Variants in ZNF131 observed in about 807,000 individuals in gnomAD.
ZNF131 encodes the protein zinc finger and BTB domain containing 35.
In ZNF131, 7 loss-of-function variants were observed where a neutral mutation model predicts 60.0. That is an observed-to-expected ratio of 0.12 (90% confidence interval 0.07 to 0.22). The LOEUF (loss-of-function observed/expected upper bound fraction) is 0.22, where lower values mean the gene tolerates loss of function less well. Ranked by LOEUF, ZNF131 falls within the 10% of genes least tolerant of loss-of-function variation. The pLI is 1.00. For synonymous variants in ZNF131, 257 were observed against 253.2 expected, an observed-to-expected ratio of 1.01 and a Z score of -0.14; for missense variants, 493 against 740.9, an observed-to-expected ratio of 0.67 and a Z score of 3.88.
chr5:43,127,256 A>G (rs1237093383), intron 3 of ZNF131, among the ~76,000 whole-genome samples: 1 of 152,228 alleles, frequency 6.6e-6, no homozygotes, highest in Admixed American at 6.5e-5. Flanking sequence ...ACACCAGGGA[A>G]GCGATTACAA....
At chr5:43,125,180 G>A (rs1425152921) in intron 3 of ZNF131, 1 of 152,120 alleles carries the variant, frequency 6.6e-6, no homozygotes, top group African/African-American at 2.4e-5. Context: ...GCAAATAAAG[G>A]AGTGCAAAAA....
rs1751489631 is a variant in ZNF131 at position 43,175,571 on chromosome 5, C to T, written c.*438C>T. ...ATTGAATAATATAGGAAACACAAGG[C>T]TGCATGATGAAAAGTGCATTGTTAC... On this transcript the variant is annotated 3_prime_UTR_variant, in exon 7 of 7. Transcript: ENST00000682664. 3 of 643,118 alleles carry T rather than the reference C, an allele frequency of 4.7e-6. No homozygotes were observed. The highest frequency in any genetic ancestry group is 8.3e-6 in the Non-Finnish European group (3 of 362,708). The allele number at this position is 643,118 out of a possible 1,614,324, so 39.8% of individuals were successfully genotyped here.
chr5:43,173,295 G>A (rs372310605), intron 5 of ZNF131, 23 bp from the exon 6 acceptor site: 23 of 1,504,924 alleles, frequency 1.5e-5, no homozygotes, highest in African/African-American at 5.5e-5. Flanking sequence ...ATTTGCCAAC[G>A]TATCTTTTTT....
At chr5:43,170,635 C>CTTT (rs35855782) in intron 5 of ZNF131, among the ~76,000 whole-genome samples, 7,236 of 141,418 alleles carry the variant, frequency 0.051, 300 homozygotes, top group South Asian at 0.13. Context: ...TCTTTGTCCC[C>CTTT]TTTTTTTTTT....
chr5:43,131,241 C>T (rs562184731), intron 3 of ZNF131, among the ~76,000 whole-genome samples: 18 of 152,064 alleles, frequency 1.2e-4, no homozygotes, highest in African/African-American at 3.9e-4. Context: ...GGTGCAATCT[C>T]GGCTCACTGC....
chr5:43,127,214 A>G (rs1447714373), intron 3 of ZNF131, among the ~76,000 whole-genome samples: 1 of 152,174 alleles, frequency 6.6e-6, no homozygotes, highest in African/African-American at 2.4e-5. Context: ...ATAAATAATG[A>G]CTTAGCATGG....
chr5:43,160,405 TGGGA>T lies in ZNF131; in HGVS notation c.372-841_372-838del, dbSNP rs781523251. On this transcript the variant is annotated intron_variant, in intron 4 of 6. Coordinates refer to ENST00000682664, the MANE Select transcript of ZNF131 (RefSeq NM_001330707.2). The stretch of plus-strand genomic sequence containing the variant: ...GTCCCAGCTGCTTGAGAGGCTGAGG[TGGGA>T]GGATCACTTGAGCCCAAGAGGTTGA... Among the ~76,000 whole-genome samples the T allele has an allele frequency of 8.1e-5, 12 of 148,458 alleles. No individual in the cohort carries two copies. The South Asian group carries it at 2.6e-3, about 32-fold the overall frequency.
intron 3 of ZNF131, chr5:43,123,922 A>G (rs1187142041): frequency 1.3e-5 from 2 of 152,064 alleles, no homozygotes; most frequent in Non-Finnish European, 2.9e-5. Context: ...GCCAAGTGCC[A>G]GGCGTTGTGA....
At position 43,176,237 on chromosome 5, in the gene ZNF131, A is replaced by G. The variant is rs1175684713; in HGVS notation, c.*1104A>G. On this transcript the variant is annotated 3_prime_UTR_variant, in exon 7 of 7. Coordinates refer to ENST00000682664, the MANE Select transcript of ZNF131 (RefSeq NM_001330707.2). ...AGTATTACTTGGAAAATAAAATATAACAAACCCATAGACCAATATGCTATT... is the reference window on the plus strand; with the variant it reads ...AGTATTACTTGGAAAATAAAATATAGCAAACCCATAGACCAATATGCTATT... 2.0e-5 allele frequency: 3 copies of G among 152,194 alleles called. No individual in the cohort carries two copies. The highest frequency in any genetic ancestry group is 2.0e-4 in the Admixed American group (3 of 15,282). The allele number at this position is 152,194 out of a possible 1,614,324, so 9.4% of individuals were successfully genotyped here.
At position 43,162,608 on chromosome 5, in the gene ZNF131, AAAG is replaced by A. The variant is rs770881424; in HGVS notation, c.1054+680_1054+682del. Among the ~76,000 whole-genome samples, 59 of 147,080 alleles carry A rather than the reference AAAG, an allele frequency of 4.0e-4. No individual in the cohort carries two copies. The East Asian group carries it at 8.5e-3, about 21-fold the overall frequency. On this transcript the variant is annotated intron_variant, in intron 5 of 6. Coordinates refer to ENST00000682664, the MANE Select transcript of ZNF131 (RefSeq NM_001330707.2). The stretch of plus-strand genomic sequence containing the variant: ...CTCCATCTTAAAAAAAAAAAAAAGA[AAAG>A]AAAAAAAAGCGGCCAGGCGCGGTGG...
At chr5:43,128,790 C>T (rs1481697121) in intron 3 of ZNF131, among the ~76,000 whole-genome samples, 1 of 150,376 alleles carries the variant, frequency 6.6e-6, no homozygotes, top group Admixed American at 6.7e-5. Context: ...CTTGCTCTGT[C>T]ACCCAGGCTG....
Position 43,174,629 on chromosome 5 carries a change from A to G in ZNF131, c.1368A>G (p.Ser456=). 1 of 1,614,182 alleles carries G rather than the reference A, an allele frequency of 6.2e-7. No individual in the cohort carries two copies. Among genetic ancestry groups the G allele is most frequent in the Non-Finnish European group, 8.5e-7 (1 of 1,180,020 alleles). The change falls in exon 7 of 7, where the codon TCA becomes TCG. Residue 456 remains serine, a synonymous_variant. Coordinates refer to ENST00000682664, the MANE Select transcript of ZNF131 (RefSeq NM_001330707.2). ...GTCTAGTAACGGAAGAAGTTCTTTC[A>G]GTAGAAACACGTGTGCAAACTGAAC... ...SERLVTEEVL[S]VETRVQTEPV...
At chr5:43,170,602 C>G (rs1033265609) in intron 5 of ZNF131, among the ~76,000 whole-genome samples, 57 of 151,918 alleles carry the variant, frequency 3.8e-4, no homozygotes, top group African/African-American at 1.3e-3. Flanking sequence ...TTCCAACCCC[C>G]AACTTACCTG....
chr5:43,143,218 T>G (rs925384752), intron 4 of ZNF131: 3 of 257,374 alleles, frequency 1.2e-5, no homozygotes, highest in African/African-American at 6.9e-5. Context: ...AGATGGGGTT[T>G]TCACCATGTT....
At chr5:43,147,182 C>T (rs966703648) in intron 4 of ZNF131, among the ~76,000 whole-genome samples, 3 of 151,464 alleles carry the variant, frequency 2.0e-5, no homozygotes, top group Non-Finnish European at 4.4e-5. Context: ...GAGTAGTATT[C>T]CACAGTGTGG....
intron 3 of ZNF131, chr5:43,123,550 C>G (rs1473027564): frequency 6.0e-6 from 2 of 334,054 alleles, no homozygotes; most frequent in Non-Finnish European, 1.1e-5. Flanking sequence ...CCAGGAAAAA[C>G]TTAGATGGTA....
chr5:43,133,388 C>G (rs377563654), intron 3 of ZNF131, among the ~76,000 whole-genome samples: 25 of 152,154 alleles, frequency 1.6e-4, no homozygotes, highest in African/African-American at 5.8e-4. Flanking sequence ...TCGTTTCGAT[C>G]TGGGGAGGCG....
chr5:43,171,296 A>G (rs1750961197), intron 5 of ZNF131, among the ~76,000 whole-genome samples: 1 of 152,112 alleles, frequency 6.6e-6, no homozygotes, highest in South Asian at 2.1e-4. Context: ...TTTTCTTCAA[A>G]GCCAATTCTG....
At chr5:43,128,472 A>T (rs1744845003) in intron 3 of ZNF131, among the ~76,000 whole-genome samples, 1 of 151,858 alleles carries the variant, frequency 6.6e-6, no homozygotes, top group South Asian at 2.1e-4. Context: ...TGGCTGACAG[A>T]GTGAAACCCC....
Sources: gnomAD v4.1 joint callset for allele counts (sites outside exome capture counted in the v4.1 genomes callset) on GRCh38, gnomAD v4.1.1 for gene constraint, MANE v1.5 for transcripts, NCBI Gene and HGNC (gene_info 2026-07-23, HGNC 2026-07-21) for gene names.